FUT8: variants seen among roughly 807,000 people sequenced by gnomAD.
FUT8 encodes alpha-(1,6)-fucosyltransferase.
FUT8 carries 29 observed loss-of-function variants against 71.3 expected under a neutral mutation model. That is an observed-to-expected ratio of 0.41 (90% CI 0.30 to 0.55). The LOEUF (loss-of-function observed/expected upper bound fraction) is 0.55. FUT8 is among the 20% of genes least tolerant of loss of function. The pLI, the probability that FUT8 is intolerant of heterozygous loss-of-function variation, is 0.34. For missense variants in FUT8, 544 were observed against 702.1 expected (o/e 0.77, Z 2.55); for synonymous variants, 254 against 239.3 (o/e 1.06, Z -0.57).
At chr14:65,556,633 C>G (rs754246461) in intron 2 of FUT8, among the ~76,000 whole-genome samples, 1 of 152,110 alleles carries the variant, frequency 6.6e-6, no homozygotes, top group African/African-American at 2.4e-5. Flanking sequence ...TAGGTGCAGC[C>G]AACACTCAAG....
chr14:65,614,004 C>T (rs1889145865), intron 3 of FUT8, among the ~76,000 whole-genome samples: 1 of 151,676 alleles, frequency 6.6e-6, no homozygotes, highest in African/African-American at 2.4e-5. Flanking sequence ...ATCCCATCTG[C>T]TCAGGAGGCC....
intron 1 of FUT8, among the ~76,000 whole-genome samples, chr14:65,453,979 A>G (rs2065863043): frequency 6.6e-6 from 1 of 152,140 alleles, no homozygotes; most frequent in African/African-American, 2.4e-5. Flanking sequence ...GCAGAAAGCC[A>G]GGGTGGTCAT....
intron 2 of FUT8, among the ~76,000 whole-genome samples, chr14:65,498,791 G>A (rs2066599988): frequency 6.6e-6 from 1 of 152,098 alleles, no homozygotes; most frequent in South Asian, 2.1e-4. Flanking sequence ...ACTGAAATAG[G>A]AATTTTTGGT....
the FUT8 span, among the ~76,000 whole-genome samples, chr14:65,403,643 T>A: frequency 0.01 from 1,586 of 152,198 alleles, 30 homozygotes; most frequent in African/African-American, 0.037. Context: ...AAGGTAGAAT[T>A]TTTGCCTCTG....
intron 2 of FUT8, among the ~76,000 whole-genome samples, chr14:65,485,236 A>G (rs1254271876): frequency 2.6e-5 from 4 of 152,122 alleles, no homozygotes; most frequent in Non-Finnish European, 4.4e-5. Flanking sequence ...GTTTCAGTCA[A>G]TTGATTGCTT....
chr14:65,544,924 C>T (rs939242942), intron 2 of FUT8, among the ~76,000 whole-genome samples: 3 of 151,692 alleles, frequency 2.0e-5, no homozygotes, highest in Non-Finnish European at 4.4e-5. Flanking sequence ...CTGTCCTGCT[C>T]TGCCCTCTTT....
intron 3 of FUT8, among the ~76,000 whole-genome samples, chr14:65,581,315 A>G (rs1887076260): frequency 1.3e-5 from 2 of 152,240 alleles, no homozygotes; most frequent in East Asian, 3.9e-4. Flanking sequence ...GAGAAAATTC[A>G]TAACAGAATA....
chr14:65,648,019 A>G (rs1446032886), intron 6 of FUT8, among the ~76,000 whole-genome samples: 1 of 152,228 alleles, frequency 6.6e-6, no homozygotes, highest in East Asian at 1.9e-4. Flanking sequence ...ATGTTTTTAC[A>G]GATTTTATTG....
chr14:65,617,808 G>A (rs1190149150), intron 5 of FUT8, among the ~76,000 whole-genome samples: 1 of 151,738 alleles, frequency 6.6e-6, no homozygotes, highest in Non-Finnish European at 1.5e-5. Context: ...GCCATGCATG[G>A]TGGCACATGC....
intron 2 of FUT8, among the ~76,000 whole-genome samples, chr14:65,470,281 C>A (rs920350666): frequency 1.3e-5 from 2 of 152,224 alleles, no homozygotes; most frequent in African/African-American, 4.8e-5. Context: ...CCTTCCTGAG[C>A]CCCCAAGAGC....
intron 1 of FUT8, among the ~76,000 whole-genome samples, chr14:65,452,029 C>T (rs2065834765): frequency 6.6e-6 from 1 of 152,172 alleles, no homozygotes; most frequent in Non-Finnish European, 1.5e-5. Context: ...CCTAGAATTT[C>T]TCTGTCCCCC....
intron 1 of FUT8, among the ~76,000 whole-genome samples, chr14:65,438,608 A>G (rs2065595989): frequency 6.6e-6 from 1 of 152,220 alleles, no homozygotes; most frequent in African/African-American, 2.4e-5. Flanking sequence ...GAGTATTATC[A>G]GATTATTTTA....
chr14:65,492,957 C>T (rs895572653), intron 2 of FUT8, among the ~76,000 whole-genome samples: 4 of 151,986 alleles, frequency 2.6e-5, no homozygotes, highest in African/African-American at 9.7e-5. Flanking sequence ...TCTCCCCACT[C>T]CCTCTCTGTC....
chr14:65,568,536 C>G (rs1886316948), intron 3 of FUT8, among the ~76,000 whole-genome samples: 1 of 150,628 alleles, frequency 6.6e-6, no homozygotes, highest in Admixed American at 6.6e-5. Flanking sequence ...TTTCTATGAC[C>G]CATAGGTTAT....
intron 5 of FUT8, among the ~76,000 whole-genome samples, chr14:65,618,550 G>T (rs1384347167): frequency 6.6e-6 from 1 of 152,120 alleles, no homozygotes; most frequent in Non-Finnish European, 1.5e-5. Flanking sequence ...TTAGAATGCA[G>T]TAATACAAAT....
At chr14:65,593,095 A>C (rs1302396449) in intron 3 of FUT8, among the ~76,000 whole-genome samples, 1 of 152,132 alleles carries the variant, frequency 6.6e-6, no homozygotes, top group African/African-American at 2.4e-5. Flanking sequence ...GGCTCTAATG[A>C]TGTTTATAAT....
intron 2 of FUT8, among the ~76,000 whole-genome samples, chr14:65,538,987 G>T (rs980079603): frequency 6.6e-6 from 1 of 152,056 alleles, no homozygotes; most frequent in Non-Finnish European, 1.5e-5. Flanking sequence ...ATTGAGTTTG[G>T]TGTAGCAAAA....
chr14:65,530,716 G>A (rs1883890823), intron 2 of FUT8, among the ~76,000 whole-genome samples: 1 of 151,632 alleles, frequency 6.6e-6, no homozygotes, highest in South Asian at 2.1e-4. Context: ...TGATTTATAA[G>A]AGTTGAATCT....
At chr14:65,656,799 G>A (rs545873481) in intron 6 of FUT8, among the ~76,000 whole-genome samples, 5 of 152,140 alleles carry the variant, frequency 3.3e-5, no homozygotes, top group East Asian at 1.9e-4. Context: ...GCATGGTACC[G>A]GCATATAGAC....
Sources: gnomAD v4.1 joint callset for allele counts (sites outside exome capture counted in the v4.1 genomes callset) on GRCh38, gnomAD v4.1.1 for gene constraint, MANE v1.5 for transcripts, NCBI Gene and HGNC (gene_info 2026-07-23, HGNC 2026-07-21) for gene names.